Variants in DLG2 observed in about 807,000 individuals in gnomAD.
DLG2 encodes the protein disks large homolog 2.
A neutral mutation model predicts 132.5 loss-of-function variants in DLG2; 45 were observed. The ratio of observed to expected loss-of-function variants is 0.34; its 90% CI spans 0.27 to 0.44. The LOEUF (loss-of-function observed/expected upper bound fraction) is 0.44. DLG2 is among the 20% of genes least tolerant of loss of function. The probability of loss-of-function intolerance (pLI) is 1.00; values close to 1 mark genes in which losing one functional copy is unlikely to be tolerated. For synonymous variants in DLG2, 424 were observed against 419.6 expected (o/e 1.01, Z -0.13); for missense variants, 1,045 against 1,196.9 (o/e 0.87, Z 1.87).
intron 6 of DLG2, among the ~76,000 whole-genome samples, chr11:84,792,294 C>A (rs1598254759): frequency 6.6e-6 from 1 of 152,152 alleles, no homozygotes; most frequent in African/African-American, 2.4e-5. Context: ...ACTTGGTCAT[C>A]ATGAATGATA....
chr11:84,680,451 C>T (rs2099726021), intron 6 of DLG2, among the ~76,000 whole-genome samples: 1 of 152,130 alleles, frequency 6.6e-6, no homozygotes, highest in African/African-American at 2.4e-5. Context: ...CAAGGTGAAT[C>T]TACCTATCCT....
Position 83,717,895 on chromosome 11 carries a change from G to T in DLG2, c.1825+68795C>A, listed in dbSNP as rs531638477. Among the ~76,000 whole-genome samples, 3 of 152,284 alleles carry T rather than the reference G, an allele frequency of 2.0e-5. No homozygotes were observed. In the East Asian group the frequency reaches 5.8e-4, roughly 29 times the overall value. On this transcript the variant is annotated intron_variant, in intron 18 of 27. Coordinates refer to ENST00000376104, the MANE Select transcript of DLG2 (RefSeq NM_001142699.3). ...TTGTGTTCAAAGACAGATCCTTTGG[G>T]TTATATCTTTTCTGTGTCCAAATGA...
chr11:85,239,003 G>A (rs2075742520), intron 4 of DLG2, among the ~76,000 whole-genome samples: 1 of 151,822 alleles, frequency 6.6e-6, no homozygotes, highest in African/African-American at 2.4e-5. Flanking sequence ...ATCATTAGTG[G>A]CACTCCATAT....
chr11:85,415,012 C>T (rs2089694762), intron 3 of DLG2, among the ~76,000 whole-genome samples: 1 of 151,980 alleles, frequency 6.6e-6, no homozygotes, highest in Non-Finnish European at 1.5e-5. Context: ...CTTCCCCTAG[C>T]CCCACACCCC....
chr11:84,157,770 G>C (rs958637175), intron 9 of DLG2, among the ~76,000 whole-genome samples: 1 of 152,134 alleles, frequency 6.6e-6, no homozygotes, highest in African/African-American at 2.4e-5. Flanking sequence ...TTTGAAACAA[G>C]GTCTGTGCCC....
At chr11:84,991,430 C>T (rs2057090884) in intron 6 of DLG2, among the ~76,000 whole-genome samples, 1 of 149,418 alleles carries the variant, frequency 6.7e-6, no homozygotes, top group Non-Finnish European at 1.5e-5. Flanking sequence ...GATCGATTTA[C>T]CCCAGAAGGA....
intron 6 of DLG2, among the ~76,000 whole-genome samples, chr11:84,746,641 G>T (rs893251990): frequency 6.6e-6 from 1 of 152,132 alleles, no homozygotes; most frequent in African/African-American, 2.4e-5. Flanking sequence ...TATGCAAAAG[G>T]ATCAATTTTA....
chr11:85,454,340 T>C (rs943123098), intron 3 of DLG2, among the ~76,000 whole-genome samples: 1 of 151,888 alleles, frequency 6.6e-6, no homozygotes, highest in Admixed American at 6.6e-5. Context: ...TGTATGTCTT[T>C]TGACATGTAT....
chr11:84,147,354 C>G (rs1596122747), intron 9 of DLG2, among the ~76,000 whole-genome samples: 1 of 152,034 alleles, frequency 6.6e-6, no homozygotes, highest in Non-Finnish European at 1.5e-5. Context: ...GGGCAGTTCC[C>G]TAAAAGGAGG....
At chr11:84,435,179 A>T (rs923599977) in intron 7 of DLG2, among the ~76,000 whole-genome samples, 2 of 152,190 alleles carry the variant, frequency 1.3e-5, no homozygotes, top group African/African-American at 4.8e-5. Flanking sequence ...CTTTGATATT[A>T]TAGGAATACA....
intron 17 of DLG2, among the ~76,000 whole-genome samples, chr11:83,819,552 C>T (rs750851803): frequency 6.8e-5 from 10 of 146,050 alleles, no homozygotes; most frequent in Non-Finnish European, 1.5e-4. Context: ...CTTCTTAATT[C>T]TATCATAAAT....
At chr11:84,624,880 C>T (rs1330270357) in intron 6 of DLG2, among the ~76,000 whole-genome samples, 1 of 39,550 alleles carries the variant, frequency 2.5e-5, no homozygotes, top group East Asian at 4.9e-4. Context: ...TTTTTTGAGA[C>T]GGAGTCTCGC....
At chr11:84,313,641 A>AAAAAGAAAGAAAG (rs2098320854) in intron 7 of DLG2, among the ~76,000 whole-genome samples, 1 of 129,178 alleles carries the variant, frequency 7.7e-6, no homozygotes, top group Non-Finnish European at 1.6e-5. Context: ...GAAAGAGAGA[A>AAAAAGAAAGAAAG]AAAGAAAGAA....
intron 3 of DLG2, among the ~76,000 whole-genome samples, chr11:85,555,929 G>A (rs916237443): frequency 6.6e-6 from 1 of 151,906 alleles, no homozygotes; most frequent in East Asian, 1.9e-4. Context: ...TGGGAAGAAG[G>A]TATTTGAGCC....
At chr11:84,921,878 A>C (rs978547286) in intron 6 of DLG2, among the ~76,000 whole-genome samples, 2 of 152,162 alleles carry the variant, frequency 1.3e-5, no homozygotes, top group African/African-American at 2.4e-5. Context: ...CATCTTATAC[A>C]TGGAGGAAAA....
At chr11:83,549,055 C>G (rs1239540388) in intron 19 of DLG2, among the ~76,000 whole-genome samples, 1 of 152,040 alleles carries the variant, frequency 6.6e-6, no homozygotes, top group African/African-American at 2.4e-5. Flanking sequence ...TTCCTGACAA[C>G]ATTAAGATGC....
At chr11:85,201,549 G>A (rs1359086542) in intron 4 of DLG2, among the ~76,000 whole-genome samples, 1 of 152,296 alleles carries the variant, frequency 6.6e-6, no homozygotes, top group South Asian at 2.1e-4. Context: ...CTTTAGTACT[G>A]GGGTAGCTGT....
chr11:84,985,194 G>A (rs1353899254), intron 6 of DLG2, among the ~76,000 whole-genome samples: 1 of 152,132 alleles, frequency 6.6e-6, no homozygotes, highest in Non-Finnish European at 1.5e-5. Flanking sequence ...AATGGCACAT[G>A]GAACTTTCTC....
At position 84,623,744 on chromosome 11, in the gene DLG2, C is replaced by A. The variant is rs2099617744; in HGVS notation, c.358-89013G>T. On this transcript the variant is annotated intron_variant, in intron 6 of 27. Coordinates refer to ENST00000376104, the MANE Select transcript of DLG2 (RefSeq NM_001142699.3). The stretch of plus-strand genomic sequence containing the variant: ...ATAAACAAATGCAATGTTAATGTAC[C>A]CAATTCAAATGATTCCAATCTAAAA... Among the ~76,000 whole-genome samples, 3 of 152,020 alleles carry A rather than the reference C, an allele frequency of 2.0e-5. No homozygotes were observed. In the South Asian group the frequency reaches 6.2e-4, roughly 32 times the overall value.
Sources: gnomAD v4.1 joint callset for allele counts (sites outside exome capture counted in the v4.1 genomes callset) on GRCh38, gnomAD v4.1.1 for gene constraint, MANE v1.5 for transcripts, NCBI Gene and HGNC (gene_info 2026-07-23, HGNC 2026-07-21) for gene names.